The following TEX26 variants were observed in gnomAD, a reference collection of about 807,000 sequenced individuals.
The protein encoded by TEX26 is testis expressed 26, also known as testis-expressed protein 26.
In TEX26, 34 loss-of-function variants were observed where a neutral mutation model predicts 35.3. The observed-to-expected ratio is 0.96, with a 90% CI of 0.73 to 1.28. TEX26 has a LOEUF of 1.28. TEX26 is among the 50% of genes most tolerant of loss of function. TEX26 has a pLI of 0.00. For missense variants in TEX26, 371 were observed against 330.1 expected (o/e 1.12, Z -0.96); for synonymous variants, 136 against 111.8 (o/e 1.22, Z -1.36).
intron 5 of TEX26, among the ~76,000 whole-genome samples, chr13:30,966,688 C>T (rs1257733172): frequency 6.6e-6 from 1 of 152,162 alleles, no homozygotes; most frequent in African/African-American, 2.4e-5. Flanking sequence ...ATCCACCTGC[C>T]TCGGCCTCCC....
rs372064398 is a variant in TEX26 at position 30,940,244 on chromosome 13, A to G, written c.146+466A>G. On this transcript the variant is annotated intron_variant, in intron 2 of 6. Transcript: ENST00000380473. Reference sequence around the variant, plus strand: ...CCTCTTCTTACCTCCACTCCTCCAGATACTGCAATATTGGCTTCAGCTTCT... The same window carrying G: ...CCTCTTCTTACCTCCACTCCTCCAGGTACTGCAATATTGGCTTCAGCTTCT... 8.0e-5 allele frequency among the ~76,000 whole-genome samples: 12 copies of G among 149,250 alleles called. No homozygotes were observed. The East Asian group carries it at 2.0e-3, about 25-fold the overall frequency.
At chr13:30,958,741 C>T (rs778632779) in intron 4 of TEX26, among the ~76,000 whole-genome samples, 4 of 152,186 alleles carry the variant, frequency 2.6e-5, no homozygotes, top group Non-Finnish European at 5.9e-5. Context: ...CCCTCCATCT[C>T]TAAAGTATTA....
At chr13:30,951,183 AAAAAAT>A (rs1200515342) in intron 2 of TEX26, among the ~76,000 whole-genome samples, 3 of 151,870 alleles carry the variant, frequency 2.0e-5, no homozygotes, top group African/African-American at 7.3e-5. Flanking sequence ...ACCTCATCTC[AAAAAAT>A]AAAAATAAAA....
Position 30,956,868 on chromosome 13 carries a change from G to T in TEX26, c.313-5G>T. 2 of 1,613,270 alleles carry T rather than the reference G, an allele frequency of 1.2e-6. No individual in the cohort carries two copies. Among genetic ancestry groups the T allele is most frequent in the South Asian group, 1.1e-5 (1 of 91,018 alleles). On this transcript the variant is annotated splice_region_variant and splice_polypyrimidine_tract_variant and intron_variant, in intron 3 of 6. Transcript: ENST00000380473. ...TTTTCTTGAAAATTATGTTTGCTTTGATAGGACATTTTCCTGTGGACACTA... is the reference window on the plus strand; with the variant it reads ...TTTTCTTGAAAATTATGTTTGCTTTTATAGGACATTTTCCTGTGGACACTA...
At chr13:30,971,388 A>C (rs1290306637) in intron 6 of TEX26, among the ~76,000 whole-genome samples, 1 of 152,194 alleles carries the variant, frequency 6.6e-6, no homozygotes, top group African/African-American at 2.4e-5. Context: ...GTAGTCTCTG[A>C]TGGAATAGAA....
intron 1 of TEX26, among the ~76,000 whole-genome samples, chr13:30,936,447 C>T (rs544463848): frequency 6.6e-6 from 1 of 152,316 alleles, no homozygotes; most frequent in East Asian, 1.9e-4. Context: ...ACTTCATGTC[C>T]TGTGCTTCTC....
At chr13:30,938,658 T>G (rs143160614) in intron 1 of TEX26, among the ~76,000 whole-genome samples, 18 of 152,136 alleles carry the variant, frequency 1.2e-4, no homozygotes, top group Non-Finnish European at 1.2e-4. Flanking sequence ...ATACACAACA[T>G]TTGGGGGACA....
chr13:30,968,676 A>G (rs921290386), intron 5 of TEX26, among the ~76,000 whole-genome samples: 1 of 152,162 alleles, frequency 6.6e-6, no homozygotes, highest in Non-Finnish European at 1.5e-5. Flanking sequence ...TCCAGCAGCA[A>G]CAGGCTGGAA....
chr13:30,940,509 A>G (rs894766572), intron 2 of TEX26, among the ~76,000 whole-genome samples: 7 of 150,538 alleles, frequency 4.6e-5, no homozygotes, highest in Non-Finnish European at 5.9e-5. Context: ...AATTTTTTGT[A>G]TTTTTAGTAG....
chr13:30,947,758 C>T (rs542321251), intron 2 of TEX26, among the ~76,000 whole-genome samples: 1 of 152,114 alleles, frequency 6.6e-6, no homozygotes, highest in East Asian at 1.9e-4. Context: ...TATTATTATA[C>T]TTTAAGTTTT....
chr13:30,947,016 G>A (rs1157062014), intron 2 of TEX26, among the ~76,000 whole-genome samples: 1 of 151,780 alleles, frequency 6.6e-6, no homozygotes, highest in African/African-American at 2.4e-5. Flanking sequence ...TTTTATGTTT[G>A]GAAGCAATTT....
At chr13:30,953,788 A>T (rs1345359297) in intron 3 of TEX26, among the ~76,000 whole-genome samples, 2 of 152,192 alleles carry the variant, frequency 1.3e-5, no homozygotes, top group African/African-American at 4.8e-5. Flanking sequence ...CCCTTCTCCC[A>T]TCACAAAAGG....
intron 6 of TEX26, 65 bp downstream of exon 6, chr13:30,969,111 T>C (rs1358536674): frequency 7.0e-7 from 1 of 1,435,454 alleles, no homozygotes; most frequent in African/African-American, 1.4e-5. Context: ...AAATAGAAAC[T>C]GTTCCAAGTT....
intron 6 of TEX26, among the ~76,000 whole-genome samples, chr13:30,970,429 C>T (rs1315489881): frequency 3.3e-5 from 5 of 152,138 alleles, no homozygotes; most frequent in Non-Finnish European, 7.3e-5. Flanking sequence ...CAGTCTGGCA[C>T]TTCAGAAGAA....
intron 6 of TEX26, among the ~76,000 whole-genome samples, chr13:30,970,522 G>A (rs902719755): frequency 8.5e-5 from 13 of 152,254 alleles, no homozygotes; most frequent in Non-Finnish European, 1.9e-4. Context: ...AAGTCAGCCT[G>A]CCTGTTCTTG....
Position 30,955,080 on chromosome 13 carries a change from T to C in TEX26, c.313-1793T>C, listed in dbSNP as rs550318584. Among the ~76,000 whole-genome samples, 21 of 149,740 alleles carry C rather than the reference T, an allele frequency of 1.4e-4. 1 individual carries two copies. The South Asian group carries it at 4.5e-3, about 32-fold the overall frequency. ...TTGTGAAACACCATTTATTCAGGGG[T>C]GTCTAATCTTTTGGCTTCCCTGGGC... is the stretch of plus-strand genomic sequence containing the variant. On this transcript the variant is annotated intron_variant, in intron 3 of 6. Coordinates refer to ENST00000380473, the MANE Select transcript of TEX26 (RefSeq NM_152325.3).
intron 2 of TEX26, among the ~76,000 whole-genome samples, chr13:30,945,104 A>G (rs1223450964): frequency 6.6e-6 from 1 of 151,756 alleles, no homozygotes; most frequent in Non-Finnish European, 1.5e-5. Context: ...AGTAGTAAAT[A>G]TTTTATGAAT....
rs1425962871 is a variant in TEX26, at chr13:30,957,047, T to C, written c.469+18T>C. The C allele has an allele frequency of 3.1e-6, 5 of 1,610,426 alleles. No homozygotes were observed. The highest frequency in any genetic ancestry group is 2.7e-5 in the African/African-American group (2 of 74,916). ...ATCAAAAGGTAAACACTTTTGTTTT[T>C]CTTTTTTTCCTGGGTCATGTGGTAG... is the stretch of plus-strand genomic sequence containing the variant. On this transcript the variant is annotated intron_variant, in intron 4 of 6. Transcript: ENST00000380473.
chr13:30,932,854 G>T lies in TEX26; in HGVS notation c.61+78G>T, dbSNP rs1237874487. The T allele has an allele frequency of 2.6e-5, 39 of 1,504,610 alleles. 1 individual carries two copies. The South Asian group carries it at 4.3e-4, about 17-fold the overall frequency. The allele number at this position is 1,504,610 out of a possible 1,614,324, so 93.2% of individuals were successfully genotyped here. On this transcript the variant is annotated intron_variant, in intron 1 of 6. Transcript: ENST00000380473. Reference sequence around the variant, plus strand: ...GGAAAGGGTCCTGTTGAGAAAAAGGGGCCTTAGTATTTAAGGGTGTGGCAT... The same window carrying T: ...GGAAAGGGTCCTGTTGAGAAAAAGGTGCCTTAGTATTTAAGGGTGTGGCAT...
Sources: gnomAD v4.1 joint callset for allele counts (sites outside exome capture counted in the v4.1 genomes callset) on GRCh38, gnomAD v4.1.1 for gene constraint, MANE v1.5 for transcripts, NCBI Gene and HGNC (gene_info 2026-07-23, HGNC 2026-07-21) for gene names.